The following AGBL1 variants were observed in gnomAD, a reference collection of about 807,000 sequenced individuals.
The protein encoded by AGBL1 is AGBL carboxypeptidase 1.
Under a neutral mutation model 118.9 loss-of-function variants are expected in AGBL1, and 130 were observed. The ratio of observed to expected loss-of-function variants is 1.09; its 90% CI spans 0.95 to 1.26. AGBL1 has a LOEUF of 1.26. AGBL1 is among the 50% of genes most tolerant of loss of function. AGBL1 has a pLI of 0.00. For missense variants in AGBL1, 1,584 were observed against 1,298.1 expected (o/e 1.22, Z -3.38); for synonymous variants, 555 against 478.9 (o/e 1.16, Z -2.08).
chr15:86,340,778 G>T (rs188636648), intron 17 of AGBL1, among the ~76,000 whole-genome samples: 49 of 152,268 alleles, frequency 3.2e-4, no homozygotes, highest in African/African-American at 1.2e-3. Context: ...CCAGAATTGC[G>T]TATCCAGGTT....
chr15:86,621,895 G>A (rs73443558), intron 21 of AGBL1, among the ~76,000 whole-genome samples: 3,598 of 152,192 alleles, frequency 0.024, 132 homozygotes, highest in African/African-American at 0.083. Context: ...TCCTTTGGTA[G>A]GACTTTTTAG....
chr15:86,582,918 G>A (rs1032050968), intron 21 of AGBL1, among the ~76,000 whole-genome samples: 2 of 151,558 alleles, frequency 1.3e-5, no homozygotes, highest in African/African-American at 2.4e-5. Context: ...GCTAAATGAC[G>A]AGTTAATGGG....
chr15:86,726,746 G>C (rs28588173), intron 22 of AGBL1, among the ~76,000 whole-genome samples: 2,278 of 152,090 alleles, frequency 0.015, 71 homozygotes, highest in African/African-American at 0.052. Flanking sequence ...TATTTATTCT[G>C]TTCTCACTAT....
rs1438789632 is a variant in AGBL1 at position 86,688,769 on chromosome 15, CATATCTAT to C, written c.3158+14346_3158+14353del. 4.6e-5 allele frequency among the ~76,000 whole-genome samples: 7 copies of C among 152,076 alleles called. No homozygotes were observed. The East Asian group carries it at 7.7e-4, about 17-fold the overall frequency. On this transcript the variant is annotated intron_variant, in intron 22 of 22. Coordinates refer to ENST00000614907, the MANE Select transcript of AGBL1 (RefSeq NM_001386094.1). ...TGAAATACTAATTGGATGATTTTGG[CATATCTAT>C]ATATCTATATATATGCATAAAACTA...
intron 1 of AGBL1, among the ~76,000 whole-genome samples, chr15:86,102,554 T>C (rs1160931695): frequency 1.3e-5 from 2 of 152,182 alleles, no homozygotes; most frequent in East Asian, 1.9e-4. Context: ...AACTTTGCTG[T>C]GTATAGTATT....
At chr15:86,730,919 G>A (rs539645791) in intron 22 of AGBL1, among the ~76,000 whole-genome samples, 5 of 152,064 alleles carry the variant, frequency 3.3e-5, no homozygotes, top group South Asian at 2.1e-4. Flanking sequence ...CCTCGGCCTC[G>A]TGGGTTCAAG....
At chr15:86,275,199 G>A (rs1051426768) in intron 15 of AGBL1, among the ~76,000 whole-genome samples, 19 of 152,276 alleles carry the variant, frequency 1.2e-4, no homozygotes, top group Non-Finnish European at 2.2e-4. Flanking sequence ...GAAGCTGTGC[G>A]CTTAGAGTGG....
At chr15:86,692,434 A>T (rs1033001671) in intron 22 of AGBL1, among the ~76,000 whole-genome samples, 2 of 152,072 alleles carry the variant, frequency 1.3e-5, no homozygotes, top group African/African-American at 4.8e-5. Flanking sequence ...CTGGCGAAGA[A>T]TTGCCCTCAC....
intron 24 of AGBL1, among the ~76,000 whole-genome samples, chr15:87,019,559 G>T (rs1408980443): frequency 6.6e-6 from 1 of 152,018 alleles, no homozygotes; most frequent in East Asian, 1.9e-4. Flanking sequence ...AAATCAAGAA[G>T]TTCTTTGAAA....
chr15:86,221,474 T>G (rs2078279716), intron 5 of AGBL1, among the ~76,000 whole-genome samples: 1 of 152,246 alleles, frequency 6.6e-6, no homozygotes, highest in South Asian at 2.1e-4. Context: ...GCCTCGGCTC[T>G]GATAGGTTTT....
chr15:86,873,784 C>A (rs2079763965), intron 22 of AGBL1, among the ~76,000 whole-genome samples: 1 of 152,118 alleles, frequency 6.6e-6, no homozygotes, highest in South Asian at 2.1e-4. Context: ...TTTGCTATTG[C>A]TATCTGAACA....
chr15:86,112,973 A>G (rs77093780), intron 1 of AGBL1, among the ~76,000 whole-genome samples: 7,519 of 152,252 alleles, frequency 0.049, 279 homozygotes, highest in Non-Finnish European at 0.077. Context: ...CTAGGGTCAG[A>G]TTTTTAAAAG....
At chr15:86,716,018 A>C (rs2086632656) in intron 22 of AGBL1, among the ~76,000 whole-genome samples, 1 of 150,596 alleles carries the variant, frequency 6.6e-6, no homozygotes, top group African/African-American at 2.4e-5. Context: ...GTGAGCTGAG[A>C]TGGTACCACT....
At chr15:86,360,336 T>G (rs1489359216) in intron 17 of AGBL1, among the ~76,000 whole-genome samples, 1 of 147,582 alleles carries the variant, frequency 6.8e-6, no homozygotes, top group Non-Finnish European at 1.5e-5. Context: ...TTTTTTTTTG[T>G]TAATGTGGTG....
At chr15:86,555,859 T>A (rs368279864) in intron 21 of AGBL1, among the ~76,000 whole-genome samples, 37 of 152,316 alleles carry the variant, frequency 2.4e-4, no homozygotes, top group African/African-American at 8.4e-4. Flanking sequence ...GGAGGTTATA[T>A]AATCAGAAAT....
intron 21 of AGBL1, among the ~76,000 whole-genome samples, chr15:86,578,088 G>GC (rs2084119350): frequency 6.6e-6 from 1 of 152,174 alleles, no homozygotes; most frequent in Non-Finnish European, 1.5e-5. Context: ...CCGTGTGCCT[G>GC]GAAAAGCCAC....
chr15:86,884,015 G>T (rs2079934132), intron 22 of AGBL1, among the ~76,000 whole-genome samples: 1 of 152,094 alleles, frequency 6.6e-6, no homozygotes, highest in African/African-American at 2.4e-5. Flanking sequence ...TTTCTTCTGA[G>T]ACCCATGGAT....
At chr15:86,502,785 T>C (rs4470114) in intron 18 of AGBL1, among the ~76,000 whole-genome samples, 66,009 of 151,148 alleles carry the variant, frequency 0.44, 15,478 homozygotes, top group East Asian at 0.68. Flanking sequence ...GTGAACTACA[T>C]ATATAATCTT....
intron 11 of AGBL1, among the ~76,000 whole-genome samples, 155 bp from the exon 12 acceptor site, chr15:86,266,219 T>A (rs1252505744): frequency 6.6e-6 from 1 of 152,212 alleles, no homozygotes; most frequent in South Asian, 2.1e-4. Context: ...GCAGGGCTAT[T>A]TGTATGCTCT....
Sources: gnomAD v4.1 joint callset for allele counts (sites outside exome capture counted in the v4.1 genomes callset) on GRCh38, gnomAD v4.1.1 for gene constraint, MANE v1.5 for transcripts, NCBI Gene and HGNC (gene_info 2026-07-23, HGNC 2026-07-21) for gene names.